The following PTCH1 variants were observed in gnomAD, a reference collection of about 807,000 sequenced individuals.
PTCH1 encodes patched 1.
PTCH1 carries 14 observed loss-of-function variants against 144.6 expected under a neutral mutation model. That is an observed-to-expected ratio of 0.10 (90% CI 0.06 to 0.15). The LOEUF (loss-of-function observed/expected upper bound fraction) is 0.15, where lower values mean the gene tolerates loss of function less well. Ranked by LOEUF, PTCH1 falls within the 10% of genes least tolerant of loss-of-function variation. The pLI is 1.00. For synonymous variants in PTCH1, 833 were observed against 793.6 expected (o/e 1.05, Z -0.83); for missense variants, 1,623 against 1,948.3 (o/e 0.83, Z 3.14).
chr9:95,474,519 T>A (rs1456230062), intron 12 of PTCH1, among the ~76,000 whole-genome samples: 5 of 152,246 alleles, frequency 3.3e-5, no homozygotes, highest in African/African-American at 1.2e-4. Flanking sequence ...TTTTTACTTC[T>A]ATATAAATTT....
At chr9:95,494,660 G>A (rs1842671505) in intron 2 of PTCH1, among the ~76,000 whole-genome samples, 1 of 152,274 alleles carries the variant, frequency 6.6e-6, no homozygotes, top group African/African-American at 2.4e-5. Context: ...GTGTGATGAC[G>A]AGCGCGCGCT....
Position 95,476,757 on chromosome 9 carries a change from A to G in PTCH1, c.1602+2T>C. 6.2e-7 allele frequency: 1 copy of G among 1,612,794 alleles called. No homozygotes were observed. The highest frequency in any genetic ancestry group is 8.5e-7 in the Non-Finnish European group (1 of 1,179,044). Reference sequence around the variant, plus strand: ...AGCTCTCTTCTTTTGTTTTTGCATTACCTCAAAAGGGATTCTTTTATTCTG... The same window carrying G: ...AGCTCTCTTCTTTTGTTTTTGCATTGCCTCAAAAGGGATTCTTTTATTCTG... On this transcript the variant is annotated splice_donor_variant, in intron 11 of 23. Coordinates refer to ENST00000331920, the MANE Select transcript of PTCH1 (RefSeq NM_000264.5). LOFTEE classifies it high-confidence loss of function. The surrounding 1 kb of genome is among the most constrained non-coding windows in gnomAD (Gnocchi z 4.6).
intron 22 of PTCH1, among the ~76,000 whole-genome samples, chr9:95,447,663 C>A (rs939062762): frequency 1.3e-5 from 2 of 152,244 alleles, no homozygotes; most frequent in Admixed American, 1.3e-4. Flanking sequence ...TGTTTCCAGG[C>A]TTTCTCTGAC....
rs745669231 is a variant in PTCH1 at position 95,480,440 on chromosome 9, G to T, written c.895C>A (p.Pro299Thr). 1.9e-6 allele frequency: 3 copies of T among 1,611,632 alleles called. No homozygotes were observed. The highest frequency in any genetic ancestry group is 2.5e-6 in the Non-Finnish European group (3 of 1,179,676). The change falls in exon 6 of 24, where the codon CCG becomes ACG. Residue 299 changes from proline to threonine, a missense_variant. By Grantham distance (38) the Pro-to-Thr change is conservative (BLOSUM62 -1). Coordinates refer to ENST00000331920, the MANE Select transcript of PTCH1 (RefSeq NM_000264.5). Reference sequence around the variant, plus strand: ...GTGGCGGGGCAGTCTGGATCGGCCGGATTGAGGCAGGGGCGGTCCATGTAA... The same window carrying T: ...GTGGCGGGGCAGTCTGGATCGGCCGTATTGAGGCAGGGGCGGTCCATGTAA... The part of the protein sequence containing the change: ...HGYMDRPCLN[P>T]ADPDCPATAP...
At chr9:95,507,517 T>C in intron 1 of PTCH1, 3 of 892,934 alleles carry the variant, frequency 3.4e-6, no homozygotes, top group South Asian at 5.2e-5. Context: ...GTTTACAACT[T>C]TTCCTCCCCC....
rs1457482716 is a variant in PTCH1, at chr9:95,508,827, T to G, written c.-466A>C. ...CGCTGCTCCCGCCGGCCGCGCTGGC[T>G]CTCTCGGCGCCTCCCGGGTCGCCCG... On this transcript the variant is annotated 5_prime_UTR_variant, in exon 1 of 24. Coordinates refer to ENST00000331920, the MANE Select transcript of PTCH1 (RefSeq NM_000264.5). The G allele has an allele frequency of 4.6e-5, 45 of 980,950 alleles. No individual in the cohort carries two copies. The highest frequency in any genetic ancestry group is 5.2e-5 in the Non-Finnish European group (43 of 828,614). 60.8% of individuals were successfully genotyped at this position (980,950 alleles called of 1,614,324 possible).
chr9:95,506,309 G>A (rs1401179253), intron 2 of PTCH1, 98 bp downstream of exon 2: 2 of 1,389,102 alleles, frequency 1.4e-6, no homozygotes, highest in Non-Finnish European at 9.8e-7. Context: ...GGGTTTCGCC[G>A]GCCGCAGCCA....
intron 3 of PTCH1, among the ~76,000 whole-genome samples, chr9:95,484,829 G>A (rs771986918): frequency 3.3e-5 from 5 of 152,190 alleles, no homozygotes; most frequent in African/African-American, 7.2e-5. Flanking sequence ...AAAAAGGACC[G>A]AGTTTTGAAC....
intron 2 of PTCH1, among the ~76,000 whole-genome samples, chr9:95,497,675 C>T (rs1564077466): frequency 6.6e-6 from 1 of 152,202 alleles, no homozygotes; most frequent in Admixed American, 6.5e-5. Flanking sequence ...TCCTGTCTCT[C>T]CCCACCCTCC....
At chr9:95,507,977 C>T (rs999425169) in intron 1 of PTCH1, 184 bp downstream of exon 1, 1 of 1,494,114 alleles carries the variant, frequency 6.7e-7, no homozygotes, top group Non-Finnish European at 8.9e-7. Context: ...CTCCCAGGAC[C>T]AGAGGGAGGG....
chr9:95,449,590 A>C lies in PTCH1; in HGVS notation c.3549+251T>G. 1 of 635,856 alleles carries C rather than the reference A, an allele frequency of 1.6e-6. No homozygotes were observed. The highest frequency in any genetic ancestry group is 2.7e-6 in the Non-Finnish European group (1 of 366,570). The allele number at this position is 635,856 out of a possible 1,614,324, so 39.4% of individuals were successfully genotyped here. ...AGTCCAATTATGCATCTCAAGGGGA[A>C]AGTCTTCATTTACTGTATAAAGATC... On this transcript the variant is annotated intron_variant, in intron 21 of 23. Transcript: ENST00000331920. The surrounding 1 kb of genome is among the most constrained non-coding windows in gnomAD (Gnocchi z 5.3).
At chr9:95,504,009 C>A (rs1376312628) in intron 2 of PTCH1, among the ~76,000 whole-genome samples, 1 of 37,720 alleles carries the variant, frequency 2.7e-5, no homozygotes, top group Non-Finnish European at 4.2e-5. Context: ...GGCGACAGAG[C>A]GAGACTCCGT....
intron 19 of PTCH1, 76 bp from the exon 20 acceptor site, chr9:95,453,696 A>C: frequency 6.3e-7 from 1 of 1,587,292 alleles, no homozygotes; most frequent in Non-Finnish European, 8.6e-7. Context: ...CCTAAATGTT[A>C]CAAGCTCTCA....
At chr9:95,475,027 C>T (rs916775468) in intron 12 of PTCH1, among the ~76,000 whole-genome samples, 1 of 152,152 alleles carries the variant, frequency 6.6e-6, no homozygotes, top group African/African-American at 2.4e-5. Context: ...ATTCACAAAA[C>T]CCCCACAACA....
intron 15 of PTCH1, among the ~76,000 whole-genome samples, chr9:95,462,326 C>T (rs551766150): frequency 2.6e-5 from 4 of 152,328 alleles, no homozygotes; most frequent in South Asian, 4.1e-4. Context: ...CGGAAAGACA[C>T]GCACCAGGGT....
intron 15 of PTCH1, among the ~76,000 whole-genome samples, chr9:95,466,133 C>T (rs1301923792): frequency 6.6e-6 from 1 of 152,138 alleles, no homozygotes; most frequent in Non-Finnish European, 1.5e-5. Context: ...CCGCAACCTC[C>T]ACCTCCCAGG....
chr9:95,470,040 T>C (rs1051310126), intron 12 of PTCH1, 109 bp from the exon 13 acceptor site: 2 of 836,318 alleles, frequency 2.4e-6, no homozygotes, highest in Non-Finnish European at 4.1e-6. Flanking sequence ...CCCTTTCCTC[T>C]TGAAGCATTT....
intron 15 of PTCH1, among the ~76,000 whole-genome samples, chr9:95,462,507 T>G (rs1839580706): frequency 6.6e-6 from 1 of 152,234 alleles, no homozygotes; most frequent in Non-Finnish European, 1.5e-5. Context: ...TTGTTCCATC[T>G]GTTCGACTTG....
chr9:95,508,214 G>A lies in PTCH1; in HGVS notation c.148C>T (p.Leu50=), dbSNP rs748950681. 3.1e-6 allele frequency: 5 copies of A among 1,611,964 alleles called. No homozygotes were observed. The South Asian group carries it at 4.4e-5, about 14-fold the overall frequency. The change falls in exon 1 of 24, where the codon CTG becomes TTG. Residue 50 remains leucine, a synonymous_variant. Coordinates refer to ENST00000331920, the MANE Select transcript of PTCH1 (RefSeq NM_000264.5). ...RRAAAPDRDY[L]HRPSYCDAAF... is the part of the protein sequence containing the mutation. ...GCGTCGCAGTAGCTGGGCCGGTGCAGATAGTCCCGGTCCGGCGCGGCAGCA... is the reference window on the plus strand; with the variant it reads ...GCGTCGCAGTAGCTGGGCCGGTGCAAATAGTCCCGGTCCGGCGCGGCAGCA...
Sources: gnomAD v4.1 joint callset for allele counts (sites outside exome capture counted in the v4.1 genomes callset) on GRCh38, gnomAD v4.1.1 for gene constraint, Gnocchi (gnomAD v3.1) non-coding constraint, MANE v1.5 for transcripts, NCBI Gene and HGNC (gene_info 2026-07-23, HGNC 2026-07-21) for gene names.